The following LASP1 variants were observed in gnomAD, a reference collection of about 807,000 sequenced individuals.
LASP1 encodes LIM and SH3 protein 1.
A neutral mutation model predicts 38.6 loss-of-function variants in LASP1; 10 were observed. The ratio of observed to expected loss-of-function variants is 0.26; its 90% CI spans 0.16 to 0.44. LASP1 has a LOEUF of 0.44. Among genes scored for constraint, LASP1 ranks in the 20% least tolerant of loss-of-function variants. LASP1 has a pLI of 1.00. For synonymous variants in LASP1, 132 were observed against 140.8 expected (o/e 0.94, Z 0.44); for missense variants, 243 against 375.7 (o/e 0.65, Z 2.92).
intron 3 of LASP1, 92 bp downstream of exon 3, chr17:38,890,596 C>T (rs761912607): frequency 5.1e-5 from 58 of 1,137,636 alleles, no homozygotes; most frequent in East Asian, 1.2e-4. Context: ...CCTTCCCCTG[C>T]GGTTACTCTG....
chr17:38,878,351 C>T (rs1055549901), intron 2 of LASP1, among the ~76,000 whole-genome samples, 171 bp downstream of exon 2: 3 of 152,096 alleles, frequency 2.0e-5, no homozygotes, highest in African/African-American at 7.2e-5. Context: ...ACTTTTTATC[C>T]CCATTTAAAG....
chr17:38,875,908 C>T (rs935153399), intron 1 of LASP1, among the ~76,000 whole-genome samples: 31 of 152,194 alleles, frequency 2.0e-4, no homozygotes, highest in African/African-American at 7.5e-4. Flanking sequence ...GGGCCTGCCT[C>T]CTGGCCTCCT....
At chr17:38,877,824 C>T (rs940408675) in intron 1 of LASP1, among the ~76,000 whole-genome samples, 1 of 152,154 alleles carries the variant, frequency 6.6e-6, no homozygotes, top group Non-Finnish European at 1.5e-5. Context: ...TGGGCTCTTC[C>T]CCCCTGTCCT....
intron 1 of LASP1, among the ~76,000 whole-genome samples, chr17:38,875,828 G>T (rs371852624): frequency 1.3e-5 from 2 of 152,132 alleles, no homozygotes; most frequent in Non-Finnish European, 2.9e-5. Flanking sequence ...GAAAAGCATC[G>T]CCTTGGGGGA....
chr17:38,886,899 TTTTA>T (rs1182459188), intron 2 of LASP1, among the ~76,000 whole-genome samples: 1 of 152,072 alleles, frequency 6.6e-6, no homozygotes, highest in Non-Finnish European at 1.5e-5. Flanking sequence ...CTGGCCTCTG[TTTTA>T]TTTATTTATT....
chr17:38,900,860 CTCTT>C (rs1385734598), intron 4 of LASP1, among the ~76,000 whole-genome samples: 1 of 152,186 alleles, frequency 6.6e-6, no homozygotes, highest in Non-Finnish European at 1.5e-5. Flanking sequence ...TCACAGTTGA[CTCTT>C]TATATGCTAG....
At chr17:38,914,266 G>A (rs954689719) in intron 4 of LASP1, 59 bp from the exon 5 acceptor site, 8 of 1,555,326 alleles carry the variant, frequency 5.1e-6, no homozygotes, top group South Asian at 4.7e-5. Flanking sequence ...TGAGGGTCAC[G>A]GGAAGGAACT....
intron 4 of LASP1, among the ~76,000 whole-genome samples, chr17:38,906,539 T>C (rs915309800): frequency 2.0e-5 from 3 of 151,320 alleles, no homozygotes; most frequent in Non-Finnish European, 4.4e-5. Context: ...AATAAATAAA[T>C]AAATAAATAA....
chr17:38,890,495 C>T lies in LASP1; in HGVS notation c.240C>T (p.Leu80=). ...TTCGCCTCAAGCAACAGAGTGAGCT[C>T]CAGAGTCAGGTGAGGGGCTGGGCGG... ...ENLRLKQQSE[L]QSQVRYKEEF... is the part of the protein sequence containing the mutation. Residue 80 remains leucine (L), a synonymous_variant, in exon 3 of 7, where the codon CTC becomes CTT. Coordinates refer to ENST00000318008, the MANE Select transcript of LASP1 (RefSeq NM_006148.4). 2.5e-6 allele frequency: 4 copies of T among 1,613,826 alleles called. No individual in the cohort carries two copies. Among genetic ancestry groups the T allele is most frequent in the Non-Finnish European group, 3.4e-6 (4 of 1,179,980 alleles).
At chr17:38,890,597 G>A (rs1187442843) in intron 3 of LASP1, 93 bp downstream of exon 3, 28 of 1,129,404 alleles carry the variant, frequency 2.5e-5, no homozygotes, top group Non-Finnish European at 3.6e-5. Context: ...CTTCCCCTGC[G>A]GTTACTCTGC....
At chr17:38,915,461 G>A (rs574712653) in intron 6 of LASP1, 8 of 225,992 alleles carry the variant, frequency 3.5e-5, no homozygotes, top group Non-Finnish European at 7.1e-5. Flanking sequence ...ACTGGGCGCT[G>A]CTCTCCTCGC....
At chr17:38,899,525 G>A (rs1430379277) in intron 4 of LASP1, among the ~76,000 whole-genome samples, 1 of 152,170 alleles carries the variant, frequency 6.6e-6, no homozygotes, top group Non-Finnish European at 1.5e-5. Context: ...CGTGCATAGA[G>A]TGGGCTGCAG....
intron 3 of LASP1, chr17:38,897,110 C>A: frequency 5.1e-6 from 5 of 979,296 alleles, no homozygotes; most frequent in Non-Finnish European, 6.1e-6. Context: ...GTGCCTCTAT[C>A]CACTGCATTC....
chr17:38,876,604 T>A (rs560863539), intron 1 of LASP1, among the ~76,000 whole-genome samples: 47 of 151,964 alleles, frequency 3.1e-4, no homozygotes, highest in Non-Finnish European at 6.0e-4. Context: ...CCTCCAGTAA[T>A]CCGCCTGCCA....
intron 2 of LASP1, among the ~76,000 whole-genome samples, chr17:38,887,178 G>C (rs1052858936): frequency 6.6e-6 from 1 of 152,112 alleles, no homozygotes; most frequent in Non-Finnish European, 1.5e-5. Context: ...TTGAGTCTTC[G>C]AGTGCTGGGC....
intron 4 of LASP1, among the ~76,000 whole-genome samples, chr17:38,902,372 CT>C (rs34801327): frequency 0.32 from 27,209 of 83,986 alleles, 3,907 homozygotes; most frequent in Middle Eastern, 0.38. Flanking sequence ...CCCAGGGGAG[CT>C]TTTTTTTTTT....
intron 3 of LASP1, 32 bp downstream of exon 3, chr17:38,890,536 G>A: frequency 4.4e-6 from 7 of 1,593,416 alleles, no homozygotes; most frequent in Non-Finnish European, 6.0e-6. Flanking sequence ...GGGCCTGGCA[G>A]GGAGGGATGC....
chr17:38,907,608 G>A (rs1914809617), intron 4 of LASP1, among the ~76,000 whole-genome samples: 1 of 152,196 alleles, frequency 6.6e-6, no homozygotes, highest in South Asian at 2.1e-4. Flanking sequence ...GTCAGGGTAT[G>A]AAGAGCTTGG....
intron 4 of LASP1, among the ~76,000 whole-genome samples, chr17:38,911,938 C>T (rs1292168735): frequency 1.3e-5 from 2 of 152,142 alleles, no homozygotes; most frequent in African/African-American, 2.4e-5. Context: ...GGATTATAGG[C>T]GCCCGTCACC....
Sources: allele counts gnomAD v4.1 joint callset (sites outside exome capture counted in the v4.1 genomes callset), GRCh38; gene constraint gnomAD v4.1.1; transcripts MANE v1.5; gene names NCBI Gene and HGNC (gene_info 2026-07-23, HGNC 2026-07-21).